The following MRC1 variants were observed in gnomAD, a reference collection of about 807,000 sequenced individuals.
MRC1 encodes mannose receptor C-type 1, also known as macrophage mannose receptor 1.
Under a neutral mutation model 102.9 loss-of-function variants are expected in MRC1, and 62 were observed. That is an observed-to-expected ratio of 0.60 (90% CI 0.49 to 0.74). MRC1 has a LOEUF of 0.74. Ranked by LOEUF, MRC1 falls within the 30% of genes least tolerant of loss-of-function variation. The pLI is 0.00. For missense variants in MRC1, 1,237 were observed against 862.8 expected (o/e 1.43, Z -5.43); for synonymous variants, 457 against 298.4 (o/e 1.53, Z -5.48).
In MRC1 at chr10:17,845,447, A is replaced by C. The variant is rs1294214336; in HGVS notation, c.1063+12A>C. 1.3e-6 allele frequency: 1 copy of C among 780,758 alleles called. No homozygotes were observed. Among genetic ancestry groups the C allele is most frequent in the African/African-American group, 1.7e-5 (1 of 59,146 alleles). The allele number at this position is 780,758 out of a possible 1,614,324, so 48.4% of individuals were successfully genotyped here. On this transcript the variant is annotated intron_variant, in intron 6 of 29. Transcript: ENST00000569591. The stretch of plus-strand genomic sequence containing the variant: ...TGTTATTCCCTCAGGTAAGTGATCT[A>C]TGGGATCTGAAGTGCCTCAACTATT...
chr10:17,846,523 C>A (rs1397506319), intron 6 of MRC1, among the ~76,000 whole-genome samples: 1 of 152,068 alleles, frequency 6.6e-6, no homozygotes, highest in East Asian at 1.9e-4. Flanking sequence ...TCAAAAGATA[C>A]AACATGATAA....
chr10:17,819,044 T>C (rs1390716076), intron 1 of MRC1, among the ~76,000 whole-genome samples: 2 of 152,156 alleles, frequency 1.3e-5, no homozygotes, highest in African/African-American at 4.8e-5. Flanking sequence ...TTTAAGTTGT[T>C]GAGAACTTGT....
intron 24 of MRC1, 81 bp downstream of exon 24, chr10:17,898,347 G>A: frequency 2.6e-6 from 2 of 779,680 alleles, no homozygotes; most frequent in South Asian, 2.7e-5. Context: ...TTGTTCTGTT[G>A]AATACTCATT....
chr10:17,820,281 A>G (rs1304729364), intron 1 of MRC1, among the ~76,000 whole-genome samples: 1 of 152,034 alleles, frequency 6.6e-6, no homozygotes, highest in East Asian at 1.9e-4. Flanking sequence ...TTGCCTTAGG[A>G]TGCAAAAACA....
In MRC1 at chr10:17,875,175, G is replaced by A. The variant is rs1409573562; in HGVS notation, c.2472G>A (p.Ala824=). ...FSKEKETMDN[A]RAFCKRNFGD... ...AAGAGAAGGAAACCATGGACAATGC[G>A]CGAGCGTTTTGCAAGAGGAATTTTG... The change falls in exon 17 of 30, where the codon GCG becomes GCA. Residue 824 remains alanine, a synonymous_variant. Coordinates refer to ENST00000569591, the MANE Select transcript of MRC1 (RefSeq NM_002438.4). The A allele has an allele frequency of 5.1e-6, 4 of 780,746 alleles. No individual in the cohort carries two copies. Among genetic ancestry groups the A allele is most frequent in the East Asian group, 4.8e-5 (2 of 41,270 alleles). The allele number at this position is 780,746 out of a possible 1,614,324, so 48.4% of individuals were successfully genotyped here. A position where few individuals can be genotyped will look rare whatever the true frequency, so the allele number is the denominator to read the frequency against.
At chr10:17,815,615 G>C (rs1335067887) in intron 1 of MRC1, among the ~76,000 whole-genome samples, 1 of 151,958 alleles carries the variant, frequency 6.6e-6, no homozygotes, top group African/African-American at 2.4e-5. Context: ...CTTTAAGGTG[G>C]TAGGAGGGAA....
intron 10 of MRC1, among the ~76,000 whole-genome samples, 178 bp downstream of exon 10, chr10:17,861,680 AC>A (rs1299844593): frequency 4.6e-5 from 7 of 152,200 alleles, no homozygotes; most frequent in Non-Finnish European, 5.9e-5. Flanking sequence ...AACATTACAA[AC>A]CGTTTTTGCT....
chr10:17,848,740 C>A (rs1353119679), intron 6 of MRC1, among the ~76,000 whole-genome samples: 1 of 152,096 alleles, frequency 6.6e-6, no homozygotes, highest in Non-Finnish European at 1.5e-5. Context: ...CACAACTTAC[C>A]GCAAATTCAG....
At chr10:17,852,739 T>C (rs1424671304) in intron 7 of MRC1, among the ~76,000 whole-genome samples, 1 of 152,152 alleles carries the variant, frequency 6.6e-6, no homozygotes, top group Non-Finnish European at 1.5e-5. Flanking sequence ...ATTCACAATG[T>C]AAAGGGTACA....
chr10:17,879,239 G>A (rs1833479544), intron 18 of MRC1, among the ~76,000 whole-genome samples: 1 of 152,190 alleles, frequency 6.6e-6, no homozygotes, highest in Non-Finnish European at 1.5e-5. Flanking sequence ...GGTTGCTACT[G>A]CGGAGCATGA....
intron 22 of MRC1, among the ~76,000 whole-genome samples, chr10:17,892,219 G>A (rs1384691937): frequency 4.6e-5 from 7 of 152,154 alleles, no homozygotes; most frequent in Non-Finnish European, 7.4e-5. Context: ...AGTCTGCACT[G>A]TAAGAATCTG....
intron 1 of MRC1, among the ~76,000 whole-genome samples, chr10:17,810,464 G>A (rs1438354043): frequency 6.6e-6 from 1 of 152,090 alleles, no homozygotes; most frequent in East Asian, 1.9e-4. Flanking sequence ...TTTTAGTACC[G>A]CAAATGTTAA....
intron 22 of MRC1, among the ~76,000 whole-genome samples, chr10:17,890,390 T>C (rs1833655500): frequency 6.6e-6 from 1 of 152,206 alleles, no homozygotes; most frequent in Non-Finnish European, 1.5e-5. Context: ...TTCTAAGTCA[T>C]TATTGCTTCA....
chr10:17,823,546 A>G (rs1838429337), intron 2 of MRC1, 71 bp downstream of exon 2: 1 of 776,126 alleles, frequency 1.3e-6, no homozygotes, highest in Non-Finnish European at 2.4e-6. Flanking sequence ...TGATTCAAGA[A>G]AATCATCATG....
rs1213132135 is a variant in MRC1 at position 17,904,682 on chromosome 10, G to C, written c.3800-2204G>C. Among the ~76,000 whole-genome samples the C allele has an allele frequency of 3.9e-5, 6 of 152,280 alleles. 1 individual carries two copies. In the East Asian group the frequency reaches 5.8e-4, roughly 15 times the overall value. On this transcript the variant is annotated intron_variant, in intron 26 of 29. Coordinates refer to ENST00000569591, the MANE Select transcript of MRC1 (RefSeq NM_002438.4). ...GTGTTGGGATGTGCCTTTAATATTT[G>C]TCCAAGCAGTTACAAACTGCCTTAG...
At chr10:17,814,915 C>T (rs911541965) in intron 1 of MRC1, among the ~76,000 whole-genome samples, 1 of 151,982 alleles carries the variant, frequency 6.6e-6, no homozygotes, top group Non-Finnish European at 1.5e-5. Flanking sequence ...TCCCTCCTGC[C>T]TTGCCCTCCC....
intron 26 of MRC1, among the ~76,000 whole-genome samples, chr10:17,904,369 G>A (rs1833869628): frequency 6.6e-6 from 1 of 151,822 alleles, no homozygotes; most frequent in South Asian, 2.1e-4. Flanking sequence ...TTCATTTTTT[G>A]TAAGATAGCT....
chr10:17,855,993 A>AC, intron 8 of MRC1, among the ~76,000 whole-genome samples: 2 of 152,022 alleles, frequency 1.3e-5, no homozygotes, highest in South Asian at 4.2e-4. Context: ...ACATGGTGAA[A>AC]CCCCATCTCT....
chr10:17,905,007 G>A (rs1267177478), intron 26 of MRC1, among the ~76,000 whole-genome samples: 1 of 152,170 alleles, frequency 6.6e-6, no homozygotes, highest in Non-Finnish European at 1.5e-5. Flanking sequence ...AACACTTGAA[G>A]GGAAAAGTCT....
Sources: gnomAD v4.1 joint callset for allele counts (sites outside exome capture counted in the v4.1 genomes callset) on GRCh38, gnomAD v4.1.1 for gene constraint, MANE v1.5 for transcripts, NCBI Gene and HGNC (gene_info 2026-07-23, HGNC 2026-07-21) for gene names.